MTHFD1L: variants seen among roughly 807,000 people sequenced by gnomAD.
MTHFD1L encodes methylenetetrahydrofolate dehydrogenase (NADP+ dependent) 1 like, also known as monofunctional C1-tetrahydrofolate synthase, mitochondrial.
A neutral mutation model predicts 119.5 loss-of-function variants in MTHFD1L; 81 were observed. The observed-to-expected ratio is 0.68, with a 90% CI of 0.57 to 0.82. MTHFD1L has a LOEUF of 0.82. MTHFD1L is among the 40% of genes least tolerant of loss of function. The probability of loss-of-function intolerance (pLI) is 0.00; values close to 1 mark genes in which losing one functional copy is unlikely to be tolerated. For synonymous variants in MTHFD1L, 430 were observed against 475.2 expected (o/e 0.90, Z 1.24); for missense variants, 1,125 against 1,253.4 (o/e 0.90, Z 1.55).
rs115757600 is a variant in MTHFD1L at position 151,034,197 on chromosome 6, A to G, written c.2587-296A>G. Among the ~76,000 whole-genome samples, 1,192 of 151,986 alleles carry G rather than the reference A, an allele frequency of 7.8e-3. 12 individuals are homozygous for G. Among genetic ancestry groups the G allele is most frequent in the African/African-American group, 0.027 (1,101 of 41,444 alleles). ...AAAAAAAGAAATTATAGTAAACTAT[A>G]TTTTTTTAATGCTACAATGGATAAA... is the stretch of plus-strand genomic sequence containing the variant. On this transcript the variant is annotated intron_variant, in intron 24 of 27. Coordinates refer to ENST00000367321, the MANE Select transcript of MTHFD1L (RefSeq NM_015440.5).
chr6:151,004,025 AAAGAG>A (rs1274187756), intron 20 of MTHFD1L, among the ~76,000 whole-genome samples: 2 of 144,602 alleles, frequency 1.4e-5, no homozygotes, highest in African/African-American at 2.9e-5. Context: ...AAAAAAAAAA[AAAGAG>A]AGAGAGAGAT....
intron 22 of MTHFD1L, 139 bp from the exon 23 acceptor site, chr6:151,014,741 C>T (rs1267773451): frequency 1.6e-6 from 1 of 623,936 alleles, no homozygotes; most frequent in Non-Finnish European, 2.8e-6. Flanking sequence ...CCTCTTTATT[C>T]TTGCAGCCAT....
chr6:150,979,006 G>A (rs561385538), intron 20 of MTHFD1L, among the ~76,000 whole-genome samples: 32 of 152,278 alleles, frequency 2.1e-4, no homozygotes, highest in African/African-American at 7.0e-4. Context: ...TTGGGAGGCC[G>A]AGGTGGGTGG....
intron 21 of MTHFD1L, among the ~76,000 whole-genome samples, chr6:151,010,415 G>T (rs1359229531): frequency 1.3e-5 from 2 of 152,090 alleles, no homozygotes; most frequent in East Asian, 3.8e-4. Context: ...TAGTTTTTCG[G>T]TTCACTGATG....
chr6:151,018,694 T>C (rs551426662), intron 24 of MTHFD1L, among the ~76,000 whole-genome samples: 12 of 152,022 alleles, frequency 7.9e-5, no homozygotes, highest in African/African-American at 2.9e-4. Flanking sequence ...GGAGACATAG[T>C]TAAAGGGGAC....
At chr6:150,894,538 T>C (rs1338604497) in intron 7 of MTHFD1L, among the ~76,000 whole-genome samples, 1 of 152,160 alleles carries the variant, frequency 6.6e-6, no homozygotes, top group East Asian at 1.9e-4. Flanking sequence ...ATTATCAACT[T>C]TAAGTGATGT....
chr6:150,872,390 C>A (rs1371668766), intron 1 of MTHFD1L, among the ~76,000 whole-genome samples: 1 of 152,130 alleles, frequency 6.6e-6, no homozygotes, highest in Non-Finnish European at 1.5e-5. Flanking sequence ...TTCACTTGAA[C>A]ACTTAGAGGC....
intron 20 of MTHFD1L, among the ~76,000 whole-genome samples, chr6:150,981,734 C>T (rs1037611699): frequency 1.3e-5 from 2 of 152,124 alleles, no homozygotes; most frequent in African/African-American, 4.8e-5. Flanking sequence ...TGGTTCCTAA[C>T]ATTTGAATTT....
At chr6:150,957,237 T>G (rs1427981958) in intron 17 of MTHFD1L, among the ~76,000 whole-genome samples, 1 of 152,182 alleles carries the variant, frequency 6.6e-6, no homozygotes. Flanking sequence ...ATGAGTAGAA[T>G]AAGTAAAAGA....
At chr6:150,906,952 A>G (rs1321270364) in intron 8 of MTHFD1L, among the ~76,000 whole-genome samples, 1 of 152,012 alleles carries the variant, frequency 6.6e-6, no homozygotes, top group East Asian at 1.9e-4. Context: ...AACAGAAAGC[A>G]TGTACTAAAT....
chr6:151,058,953 G>C (rs1387860010), intron 26 of MTHFD1L, among the ~76,000 whole-genome samples: 2 of 152,224 alleles, frequency 1.3e-5, no homozygotes, highest in South Asian at 4.2e-4. Flanking sequence ...TGGGAGTACA[G>C]GCGTGAGCCA....
chr6:151,004,007 T>TA lies in MTHFD1L; in HGVS notation c.2126-5812_2126-5811insA, dbSNP rs1394257274. 1.5e-3 allele frequency among the ~76,000 whole-genome samples: 205 copies of TA among 134,076 alleles called. 4 individuals are homozygous for TA. The East Asian group carries it at 0.017, about 11-fold the overall frequency. 88.0% of individuals were successfully genotyped at this position (134,076 alleles called of 152,430 possible). ...GAAGTGAGGATGTTAATGCTTTTTT[T>TA]TAAAAAAAAAAAAAAAAAAAGAGAG... is the stretch of plus-strand genomic sequence containing the variant. On this transcript the variant is annotated intron_variant, in intron 20 of 27. Transcript: ENST00000367321.
chr6:151,097,397 A>G (rs928982685), intron 27 of MTHFD1L, among the ~76,000 whole-genome samples: 2 of 152,260 alleles, frequency 1.3e-5, no homozygotes, highest in African/African-American at 4.8e-5. Flanking sequence ...TGTGGTATGT[A>G]TAGAGAGTGG....
chr6:150,962,049 C>T (rs948954850), intron 18 of MTHFD1L, among the ~76,000 whole-genome samples: 2 of 151,992 alleles, frequency 1.3e-5, no homozygotes, highest in Non-Finnish European at 2.9e-5. Flanking sequence ...GAGTACAATG[C>T]CGTGATCTTG....
In MTHFD1L at chr6:151,003,525, T is replaced by C. The variant is rs1258614243; in HGVS notation, c.2126-6294T>C. ...CCAGCCTGGGCAAAAAGAGTGAAACTCCATATCCAAAAAAAAAGGGGGGAA... is the reference window on the plus strand; with the variant it reads ...CCAGCCTGGGCAAAAAGAGTGAAACCCCATATCCAAAAAAAAAGGGGGGAA... On this transcript the variant is annotated intron_variant, in intron 20 of 27. Transcript: ENST00000367321. 2.1e-5 allele frequency among the ~76,000 whole-genome samples: 3 copies of C among 144,566 alleles called. No homozygotes were observed. The Admixed American group carries it at 2.1e-4, about 10-fold the overall frequency. 94.8% of individuals were successfully genotyped at this position (144,566 alleles called of 152,430 possible).
intron 20 of MTHFD1L, among the ~76,000 whole-genome samples, chr6:151,006,061 G>A (rs1372845040): frequency 6.6e-6 from 1 of 152,092 alleles, no homozygotes; most frequent in African/African-American, 2.4e-5. Flanking sequence ...CAGGTACTGC[G>A]TTAGGAAGTG....
At chr6:151,075,267 T>C (rs983167734) in intron 26 of MTHFD1L, among the ~76,000 whole-genome samples, 1 of 152,096 alleles carries the variant, frequency 6.6e-6, no homozygotes, top group Non-Finnish European at 1.5e-5. Context: ...GAAACCCTTT[T>C]TAAATCTAAA....
chr6:150,937,554 G>A (rs1219386608), intron 12 of MTHFD1L, among the ~76,000 whole-genome samples: 1 of 152,182 alleles, frequency 6.6e-6, no homozygotes, highest in Non-Finnish European at 1.5e-5. Flanking sequence ...TAAGAATATT[G>A]CATTTGTATT....
At chr6:151,008,678 C>G (rs1187422433) in intron 20 of MTHFD1L, among the ~76,000 whole-genome samples, 2 of 152,120 alleles carry the variant, frequency 1.3e-5, no homozygotes, top group African/African-American at 4.8e-5. Context: ...GGACTAGAAA[C>G]GAGTGTTTTC....
Sources: allele counts gnomAD v4.1 joint callset (sites outside exome capture counted in the v4.1 genomes callset), GRCh38; gene constraint gnomAD v4.1.1; transcripts MANE v1.5; gene names NCBI Gene and HGNC (gene_info 2026-07-23, HGNC 2026-07-21).